MLLT10: variants seen among roughly 807,000 people sequenced by gnomAD.
The protein encoded by MLLT10 is protein AF-10.
In MLLT10, 30 loss-of-function variants were observed where a neutral mutation model predicts 129.1. That is an observed-to-expected ratio of 0.23 (90% CI 0.17 to 0.32). The LOEUF (loss-of-function observed/expected upper bound fraction) is 0.32. Ranked by LOEUF, MLLT10 falls within the 10% of genes least tolerant of loss-of-function variation. The pLI is 1.00. For synonymous variants in MLLT10, 490 were observed against 446.4 expected, an observed-to-expected ratio of 1.10 and a Z score of -1.23; for missense variants, 1,119 against 1,268.3, an observed-to-expected ratio of 0.88 and a Z score of 1.79.
At chr10:21,595,106 T>G (rs1278240623) in intron 4 of MLLT10, among the ~76,000 whole-genome samples, 1 of 152,204 alleles carries the variant, frequency 6.6e-6, no homozygotes, top group East Asian at 1.9e-4. Flanking sequence ...TTTCCCTTTA[T>G]TTATGTAACT....
intron 13 of MLLT10, among the ~76,000 whole-genome samples, chr10:21,696,674 A>G (rs1057493070): frequency 7.9e-5 from 12 of 152,038 alleles, no homozygotes; most frequent in African/African-American, 2.7e-4. Context: ...CTCTTTGACA[A>G]TTTCTTTTTA....
chr10:21,608,952 G>A (rs2044328412), intron 5 of MLLT10, among the ~76,000 whole-genome samples: 1 of 151,988 alleles, frequency 6.6e-6, no homozygotes, highest in African/African-American at 2.4e-5. Flanking sequence ...ACCTATTTTA[G>A]GTAATATAGC....
intron 9 of MLLT10, among the ~76,000 whole-genome samples, chr10:21,664,472 T>G (rs113122157): frequency 0.011 from 1,697 of 152,020 alleles, 37 homozygotes; most frequent in African/African-American, 0.039. Context: ...AATTTTTGTA[T>G]TTTTAGTAGG....
chr10:21,594,832 C>G (rs1228648199), intron 4 of MLLT10, among the ~76,000 whole-genome samples: 1 of 144,578 alleles, frequency 6.9e-6, no homozygotes, highest in Non-Finnish European at 1.5e-5. Context: ...GAAACTCCAT[C>G]TCAAAAAAAA....
At chr10:21,645,320 CATTT>C (rs1355286256) in intron 8 of MLLT10, among the ~76,000 whole-genome samples, 1 of 152,090 alleles carries the variant, frequency 6.6e-6, no homozygotes, top group East Asian at 1.9e-4. Context: ...GGTTTCTGTT[CATTT>C]GTTTTCTACA....
At chr10:21,669,093 G>A in intron 9 of MLLT10, 1 of 1,294,012 alleles carries the variant, frequency 7.7e-7, no homozygotes, top group Non-Finnish European at 1.0e-6. Context: ...TAATTGGTTT[G>A]TAAAATGGGA....
chr10:21,717,516 A>ACCTCCT (rs1311482452), intron 14 of MLLT10, among the ~76,000 whole-genome samples: 78 of 21,242 alleles, frequency 3.7e-3, no homozygotes, highest in Non-Finnish European at 7.0e-3. Context: ...CTCCTCCTCC[A>ACCTCCT]CCACCTCCTC....
intron 8 of MLLT10, among the ~76,000 whole-genome samples, chr10:21,622,323 A>C (rs1231807997): frequency 7.3e-6 from 1 of 136,736 alleles, no homozygotes; most frequent in Non-Finnish European, 1.6e-5. Context: ...ATGCCGGCCA[A>C]TTTTTTTTTT....
chr10:21,734,331 C>T (rs2058188638), intron 20 of MLLT10, among the ~76,000 whole-genome samples: 1 of 152,076 alleles, frequency 6.6e-6, no homozygotes, highest in Admixed American at 6.5e-5. Flanking sequence ...TTAGTAACAG[C>T]ATTATGTTCT....
chr10:21,591,355 AT>A (rs2131113946), intron 4 of MLLT10, among the ~76,000 whole-genome samples: 1 of 152,212 alleles, frequency 6.6e-6, no homozygotes, highest in South Asian at 2.1e-4. Flanking sequence ...TAAATTTCAT[AT>A]TTGTTGCCAT....
chr10:21,544,649 G>A (rs988736238), intron 3 of MLLT10, among the ~76,000 whole-genome samples: 6 of 152,178 alleles, frequency 3.9e-5, no homozygotes, highest in Admixed American at 3.3e-4. Context: ...AAAGAAGGGA[G>A]CATTTTGAAG....
intron 3 of MLLT10, chr10:21,556,929 A>G (rs1310354096): frequency 1.9e-6 from 3 of 1,549,934 alleles, no homozygotes; most frequent in Non-Finnish European, 2.6e-6. Flanking sequence ...CGTTTCAAGA[A>G]GGAGAGGTGG....
intron 5 of MLLT10, among the ~76,000 whole-genome samples, chr10:21,611,342 T>C (rs905488741): frequency 4.6e-5 from 7 of 151,974 alleles, no homozygotes; most frequent in Non-Finnish European, 8.8e-5. Context: ...GTTGAAATCA[T>C]GTACCTAGTT....
At chr10:21,713,612 GTTTA>G (rs2056303010) in intron 13 of MLLT10, among the ~76,000 whole-genome samples, 156 bp from the exon 14 acceptor site, 1 of 152,136 alleles carries the variant, frequency 6.6e-6, no homozygotes, top group African/African-American at 2.4e-5. Flanking sequence ...AGAAGTCAGT[GTTTA>G]TTTGTTTAGT....
chr10:21,734,363 C>G (rs1212360065), intron 20 of MLLT10, among the ~76,000 whole-genome samples: 1 of 152,274 alleles, frequency 6.6e-6, no homozygotes, highest in African/African-American at 2.4e-5. Context: ...TAGTCTTAAT[C>G]TGTGATGTCT....
At chr10:21,602,896 A>AT (rs1409616357) in intron 5 of MLLT10, among the ~76,000 whole-genome samples, 3 of 149,398 alleles carry the variant, frequency 2.0e-5, no homozygotes, top group Non-Finnish European at 3.0e-5. Flanking sequence ...CGCCCGGCTA[A>AT]TTTTTTTTTG....
intron 13 of MLLT10, among the ~76,000 whole-genome samples, chr10:21,683,833 G>T (rs1470602768): frequency 6.6e-6 from 1 of 151,306 alleles, no homozygotes; most frequent in Non-Finnish European, 1.5e-5. Context: ...TGCAACCTCC[G>T]CCTCCTGGGT....
chr10:21,591,921 A>C (rs745521640), intron 4 of MLLT10, among the ~76,000 whole-genome samples: 1 of 152,134 alleles, frequency 6.6e-6, no homozygotes, highest in African/African-American at 2.4e-5. Context: ...TAGTTTCACT[A>C]TATTGGCCAG....
chr10:21,671,372 T>G (rs2051385408), intron 10 of MLLT10, among the ~76,000 whole-genome samples: 1 of 152,160 alleles, frequency 6.6e-6, no homozygotes, highest in Non-Finnish European at 1.5e-5. Context: ...ACAATTAAGG[T>G]TGGCCGGGCG....
Sources: allele counts gnomAD v4.1 joint callset (sites outside exome capture counted in the v4.1 genomes callset), GRCh38; gene constraint gnomAD v4.1.1; transcripts MANE v1.5; gene names NCBI Gene and HGNC (gene_info 2026-07-23, HGNC 2026-07-21).